CDH18: variants seen among roughly 807,000 people sequenced by gnomAD.
The protein encoded by CDH18 is cadherin-18.
In CDH18, 31 loss-of-function variants were observed where a neutral mutation model predicts 67.9. That is an observed-to-expected ratio of 0.46 (90% CI 0.34 to 0.62). CDH18 has a LOEUF of 0.62. Among genes scored for constraint, CDH18 ranks in the 20% least tolerant of loss-of-function variants. CDH18 has a pLI of 0.01. For missense variants in CDH18, 890 were observed against 975.5 expected (o/e 0.91, Z 1.17); for synonymous variants, 362 against 347.2 (o/e 1.04, Z -0.48).
At chr5:20,083,492 A>G (rs1580199335) in intron 2 of CDH18, among the ~76,000 whole-genome samples, 1 of 152,152 alleles carries the variant, frequency 6.6e-6, no homozygotes, top group East Asian at 1.9e-4. Flanking sequence ...CTCATATAAT[A>G]TGGAGAACTT....
chr5:20,244,512 T>C (rs912269823), intron 2 of CDH18, among the ~76,000 whole-genome samples: 4 of 152,054 alleles, frequency 2.6e-5, no homozygotes, highest in Non-Finnish European at 5.9e-5. Context: ...CCAAATATAT[T>C]TGAACAAACC....
intron 3 of CDH18, among the ~76,000 whole-genome samples, chr5:19,799,821 A>T (rs902404588): frequency 2.6e-5 from 4 of 152,186 alleles, no homozygotes; most frequent in African/African-American, 9.7e-5. Flanking sequence ...AATGCTTAGC[A>T]CATGCAAACT....
At chr5:19,798,124 T>C (rs1221826292) in intron 3 of CDH18, among the ~76,000 whole-genome samples, 4 of 152,156 alleles carry the variant, frequency 2.6e-5, no homozygotes, top group African/African-American at 9.6e-5. Flanking sequence ...AACTATAATG[T>C]TGGGGATACA....
intron 1 of CDH18, among the ~76,000 whole-genome samples, chr5:20,544,707 A>T (rs4263499): frequency 6.6e-6 from 1 of 151,542 alleles, no homozygotes; most frequent in Non-Finnish European, 1.5e-5. Context: ...TCCCACCCTC[A>T]ACGTGTGAGG....
intron 2 of CDH18, among the ~76,000 whole-genome samples, chr5:20,187,388 T>A (rs1317035374): frequency 6.6e-6 from 1 of 151,926 alleles, no homozygotes; most frequent in African/African-American, 2.4e-5. Context: ...TGGAATGTAC[T>A]ATAAAATTTC....
At chr5:20,478,830 C>A (rs1176879273) in intron 1 of CDH18, among the ~76,000 whole-genome samples, 3 of 152,156 alleles carry the variant, frequency 2.0e-5, no homozygotes, top group African/African-American at 7.2e-5. Flanking sequence ...TTGGGTCTGA[C>A]CCAGCACAGT....
chr5:19,647,581 T>C (rs945360762), intron 5 of CDH18, among the ~76,000 whole-genome samples: 6 of 133,966 alleles, frequency 4.5e-5, no homozygotes, highest in Non-Finnish European at 7.9e-5. Context: ...TAGTGGACTC[T>C]GGAGGCTAGC....
At chr5:19,696,683 C>A (rs573007336) in intron 5 of CDH18, among the ~76,000 whole-genome samples, 21 of 152,132 alleles carry the variant, frequency 1.4e-4, no homozygotes, top group African/African-American at 4.8e-4. Context: ...CGTGAGCCAC[C>A]GCACCCAGCC....
At chr5:19,816,347 C>T (rs1278596557) in intron 3 of CDH18, among the ~76,000 whole-genome samples, 1 of 151,770 alleles carries the variant, frequency 6.6e-6, no homozygotes, top group Non-Finnish European at 1.5e-5. Context: ...AAAACATCAT[C>T]AATGGTGTTT....
At position 20,445,621 on chromosome 5, in the gene CDH18, A is replaced by G. The variant is rs555951683; in HGVS notation, c.-580+129841T>C. 6.6e-5 allele frequency among the ~76,000 whole-genome samples: 10 copies of G among 152,286 alleles called. No individual in the cohort carries two copies. The South Asian group carries it at 2.1e-3, about 32-fold the overall frequency. On this transcript the variant is annotated intron_variant, in intron 1 of 14. Transcript: ENST00000507958. ...AATTTCTAAGACGACTTGTTTAGGA[A>G]TGAAGGGTGGGGAAGAAGTGCTTAC... is the stretch of plus-strand genomic sequence containing the variant.
intron 1 of CDH18, among the ~76,000 whole-genome samples, chr5:20,396,520 T>C (rs1020401905): frequency 3.9e-5 from 6 of 152,014 alleles, no homozygotes. Flanking sequence ...TAAATCATAA[T>C]AAATGCTGAT....
intron 2 of CDH18, among the ~76,000 whole-genome samples, chr5:19,846,186 T>C (rs1420406538): frequency 2.0e-5 from 3 of 152,090 alleles, no homozygotes; most frequent in Non-Finnish European, 1.5e-5. Flanking sequence ...ACAGTATCAT[T>C]TTTTGTGCAT....
intron 2 of CDH18, among the ~76,000 whole-genome samples, chr5:20,102,024 T>C (rs1746511442): frequency 2.0e-5 from 3 of 152,002 alleles, no homozygotes; most frequent in African/African-American, 7.3e-5. Context: ...TGAGCTGAGA[T>C]CGCGCCACTG....
At chr5:19,749,149 A>G (rs991616500) in intron 3 of CDH18, among the ~76,000 whole-genome samples, 3 of 152,050 alleles carry the variant, frequency 2.0e-5, no homozygotes, top group African/African-American at 7.2e-5. Flanking sequence ...AGACACCCGC[A>G]AAGTGTCAAT....
At chr5:20,172,204 A>ACACG (rs1287178218) in intron 2 of CDH18, among the ~76,000 whole-genome samples, 1 of 60,314 alleles carries the variant, frequency 1.7e-5, no homozygotes, top group Admixed American at 1.8e-4. Flanking sequence ...ATATATATAT[A>ACACG]TATATATATA....
intron 11 of CDH18, among the ~76,000 whole-genome samples, chr5:19,498,816 C>T (rs930450358): frequency 6.6e-6 from 1 of 152,156 alleles, no homozygotes; most frequent in African/African-American, 2.4e-5. Context: ...AACTTCTTGC[C>T]TATAAATTTT....
chr5:20,404,098 T>C (rs1016024831), intron 1 of CDH18, among the ~76,000 whole-genome samples: 1 of 152,214 alleles, frequency 6.6e-6, no homozygotes, highest in Non-Finnish European at 1.5e-5. Context: ...TTCCAACTTT[T>C]CTTCTGCTGC....
At chr5:20,194,289 C>A (rs1219229940) in intron 2 of CDH18, among the ~76,000 whole-genome samples, 1 of 152,048 alleles carries the variant, frequency 6.6e-6, no homozygotes, top group Non-Finnish European at 1.5e-5. Context: ...AATCAATGTG[C>A]AAAAATCAGA....
intron 5 of CDH18, among the ~76,000 whole-genome samples, chr5:19,700,960 GAA>G (rs1763165601): frequency 6.8e-6 from 1 of 147,402 alleles, no homozygotes; most frequent in African/African-American, 2.5e-5. Flanking sequence ...AACAAAGTGA[GAA>G]AAAAAGAAAA....
Sources: allele counts gnomAD v4.1 joint callset (sites outside exome capture counted in the v4.1 genomes callset), GRCh38; gene constraint gnomAD v4.1.1; transcripts MANE v1.5; gene names NCBI Gene and HGNC (gene_info 2026-07-23, HGNC 2026-07-21).